CDH26: variants seen among roughly 807,000 people sequenced by gnomAD.
CDH26 encodes cadherin-like protein 26.
A neutral mutation model predicts 90.3 loss-of-function variants in CDH26; 83 were observed. The ratio of observed to expected loss-of-function variants is 0.92; its 90% CI spans 0.77 to 1.10. The LOEUF (loss-of-function observed/expected upper bound fraction) is 1.10, where lower values mean the gene tolerates loss of function less well. Among genes scored for constraint, CDH26 ranks in the 50% least tolerant of loss-of-function variants. The pLI, the probability that CDH26 is intolerant of heterozygous loss-of-function variation, is 0.00. For missense variants in CDH26, 1,013 were observed against 1,037.6 expected, an observed-to-expected ratio of 0.98 and a Z score of 0.33; for synonymous variants, 397 against 396.3, an observed-to-expected ratio of 1.00 and a Z score of -0.02.
chr20:59,969,238 A>G (rs1169289010), intron 2 of CDH26, among the ~76,000 whole-genome samples: 3 of 152,224 alleles, frequency 2.0e-5, no homozygotes, highest in East Asian at 1.9e-4. Context: ...CAGCCTGTGA[A>G]CATCAAAATT....
chr20:60,007,933 A>G (rs2061775768), intron 17 of CDH26, among the ~76,000 whole-genome samples: 1 of 152,176 alleles, frequency 6.6e-6, no homozygotes, highest in South Asian at 2.1e-4. Context: ...AAGGTCCATC[A>G]ACACAGCCAC....
At chr20:60,020,298 GCTATTTTTCTGGC>G (rs1343196383) in intron 7 of CDH26, among the ~76,000 whole-genome samples, 8 of 152,158 alleles carry the variant, frequency 5.3e-5, no homozygotes, top group Non-Finnish European at 1.0e-4. Context: ...AGCCCACAGG[GCTATTTTTCTGGC>G]CTGAGATGGG....
At chr20:59,985,748 G>T (rs1411765017) in intron 7 of CDH26, among the ~76,000 whole-genome samples, 1 of 152,208 alleles carries the variant, frequency 6.6e-6, no homozygotes, top group Non-Finnish European at 1.5e-5. Flanking sequence ...CATAGAAGCA[G>T]TTCATAATGG....
At chr20:59,966,870 A>G (rs1321466004) in intron 1 of CDH26, among the ~76,000 whole-genome samples, 2 of 152,222 alleles carry the variant, frequency 1.3e-5, no homozygotes, top group East Asian at 3.8e-4. Context: ...GAGAATGGAT[A>G]AATAGATTAT....
downstream of CDH26, among the ~76,000 whole-genome samples, chr20:60,034,498 C>T (rs995841632): frequency 6.6e-6 from 1 of 152,150 alleles, no homozygotes; most frequent in African/African-American, 2.4e-5. Flanking sequence ...GCCTCGGAGC[C>T]GTGGCTACCA....
chr20:59,987,699 G>C (rs1601143613), intron 8 of CDH26, 61 bp downstream of exon 8: 1 of 1,433,338 alleles, frequency 7.0e-7, no homozygotes, highest in Non-Finnish European at 9.5e-7. Flanking sequence ...CTCTTCTGTA[G>C]GATCACTCAC....
chr20:59,981,920 A>G (rs2061399674), intron 4 of CDH26, among the ~76,000 whole-genome samples: 2 of 151,990 alleles, frequency 1.3e-5, no homozygotes, highest in African/African-American at 4.8e-5. Context: ...AAAGATTTTA[A>G]ACTATAAATT....
At chr20:59,980,178 A>G (rs1036156893) in intron 4 of CDH26, among the ~76,000 whole-genome samples, 1 of 152,140 alleles carries the variant, frequency 6.6e-6, no homozygotes, top group African/African-American at 2.4e-5. Flanking sequence ...GCGATATCTC[A>G]TTGCAGTTTT....
chr20:59,960,383 C>T (rs1000512770), intron 1 of CDH26, among the ~76,000 whole-genome samples: 1 of 147,962 alleles, frequency 6.8e-6, no homozygotes, highest in Non-Finnish European at 1.5e-5. Context: ...GAATGGAGTT[C>T]CTTATGTTAA....
In CDH26 at chr20:60,004,042, G is replaced by C. The variant is rs145470255; in HGVS notation, c.2220+1176G>C. On this transcript the variant is annotated intron_variant, in intron 16 of 17. Coordinates refer to ENST00000348616, the MANE Select transcript of CDH26 (RefSeq NM_177980.4). ...ACTTTGTACATAGCCCACATCTTAA[G>C]GGTCCTCCTCTGAGAGGCCCCTGGG... Among the ~76,000 whole-genome samples, 771 of 152,308 alleles carry C rather than the reference G, an allele frequency of 5.1e-3. 13 individuals carry two copies. Among genetic ancestry groups the C allele is most frequent in the East Asian group, 0.027 (139 of 5,164 alleles).
intron 1 of CDH26, among the ~76,000 whole-genome samples, chr20:59,959,004 A>C (rs1264987466): frequency 1.3e-5 from 2 of 152,240 alleles, no homozygotes; most frequent in Non-Finnish European, 2.9e-5. Context: ...TTGGGGCAAC[A>C]GTGGGAGCAG....
At position 60,006,840 on chromosome 20, in the gene CDH26, C is replaced by A. The variant is rs1601194296; in HGVS notation, c.2295+53C>A. The A allele has an allele frequency of 1.2e-5, 17 of 1,361,296 alleles. No homozygotes were observed. The East Asian group carries it at 3.7e-4, about 29-fold the overall frequency. The allele number at this position is 1,361,296 out of a possible 1,614,324, so 84.3% of individuals were successfully genotyped here. On this transcript the variant is annotated intron_variant, in intron 17 of 17. Transcript: ENST00000348616. ...ACTAGCTATGGGTTTTGCATCCCCA[C>A]TGTGCTCCAGGCTTGATTTGGGGAC...
At chr20:60,003,837 A>T (rs1345347658) in intron 16 of CDH26, among the ~76,000 whole-genome samples, 1 of 152,170 alleles carries the variant, frequency 6.6e-6, no homozygotes, top group Non-Finnish European at 1.5e-5. Flanking sequence ...GAGAGGAGAG[A>T]TAGTGCTCTC....
Position 59,996,834 on chromosome 20 carries a change from C to G in CDH26, c.2019+73C>G, listed in dbSNP as rs1378891216. The G allele has an allele frequency of 1.9e-6, 3 of 1,572,038 alleles. No homozygotes were observed. The Admixed American group carries it at 5.2e-5, about 27-fold the overall frequency. On this transcript the variant is annotated intron_variant, in intron 13 of 17. Coordinates refer to ENST00000348616, the MANE Select transcript of CDH26 (RefSeq NM_177980.4). Reference sequence around the variant, plus strand: ...ACACAGACATATAGCATGTATTTTTCCCCCCATTGTGCCACCTCTTAATTC... The same window carrying G: ...ACACAGACATATAGCATGTATTTTTGCCCCCATTGTGCCACCTCTTAATTC...
At chr20:60,031,497 G>A (rs566042361) in intron 8 of CDH26, 105 of 1,040,190 alleles carry the variant, frequency 1.0e-4, no homozygotes, top group Admixed American at 4.5e-4. Context: ...GAATTCAGGC[G>A]TTCAAGTTAA....
At chr20:59,977,050 C>T (rs756725551) in intron 4 of CDH26, among the ~76,000 whole-genome samples, 1 of 152,066 alleles carries the variant, frequency 6.6e-6, no homozygotes, top group Non-Finnish European at 1.5e-5. Flanking sequence ...GGCTACTCTA[C>T]TTCCAAGCTG....
At chr20:59,974,539 CAA>C (rs1315502212) in intron 4 of CDH26, among the ~76,000 whole-genome samples, 1 of 152,064 alleles carries the variant, frequency 6.6e-6, no homozygotes, top group Non-Finnish European at 1.5e-5. Context: ...CCATTTAGAG[CAA>C]AGAGTGACAG....
In CDH26 at chr20:59,992,130, G is replaced by C. The variant is rs1216695815; in HGVS notation, c.1284-248G>C. On this transcript the variant is annotated intron_variant, in intron 9 of 17. Transcript: ENST00000348616. This position sits in a 1 kb window ranked among gnomAD's most constrained non-coding sequence, Gnocchi z 5.0. ...AAAACTATGTTCAGTCCAACAAGGA[G>C]GGGGACGCTTGGTCTTCTGGTGAAT... Among the ~76,000 whole-genome samples, 1 of 152,184 alleles carries C rather than the reference G, an allele frequency of 6.6e-6. No individual in the cohort carries two copies. Among genetic ancestry groups the C allele is most frequent in the Non-Finnish European group, 1.5e-5 (1 of 68,034 alleles).
exon 8 of CDH26, chr20:60,031,341 G>A: frequency 7.7e-7 from 1 of 1,295,282 alleles, no homozygotes; most frequent in South Asian, 1.3e-5. Context: ...TGATGCCACG[G>A]AGACTAACGC....
Sources: allele counts gnomAD v4.1 joint callset (sites outside exome capture counted in the v4.1 genomes callset), GRCh38; gene constraint gnomAD v4.1.1; non-coding constraint Gnocchi (gnomAD v3.1); transcripts MANE v1.5; gene names NCBI Gene and HGNC (gene_info 2026-07-23, HGNC 2026-07-21).